Variants in ANO3 observed in about 807,000 individuals in gnomAD.
The protein encoded by ANO3 is anoctamin-3.
Under a neutral mutation model 144.8 loss-of-function variants are expected in ANO3, and 99 were observed. The observed-to-expected ratio is 0.68, with a 90% CI of 0.58 to 0.81. The LOEUF is 0.81. Ranked by LOEUF, ANO3 falls within the 30% of genes least tolerant of loss-of-function variation. ANO3 has a pLI of 0.00. For missense variants in ANO3, 905 were observed against 1,202.2 expected, an observed-to-expected ratio of 0.75 and a Z score of 3.66; for synonymous variants, 414 against 392.6, an observed-to-expected ratio of 1.05 and a Z score of -0.64.
intron 21 of ANO3, among the ~76,000 whole-genome samples, chr11:26,640,957 C>T (rs111403672): frequency 6.6e-6 from 1 of 152,146 alleles, no homozygotes; most frequent in Admixed American, 6.5e-5. Flanking sequence ...CACTGCCTGA[C>T]GTTTGTTCTC....
intron 1 of ANO3, among the ~76,000 whole-genome samples, chr11:26,316,036 A>T (rs1854617858): frequency 6.6e-6 from 1 of 152,206 alleles, no homozygotes; most frequent in Non-Finnish European, 1.5e-5. Flanking sequence ...AATAGGAAAT[A>T]GAATTATCTC....
upstream of ANO3, among the ~76,000 whole-genome samples, chr11:26,308,775 C>T (rs1201350945): frequency 2.6e-5 from 4 of 152,178 alleles, no homozygotes; most frequent in South Asian, 8.3e-4. Context: ...AAAGGAATTA[C>T]TATAATTATG....
intron 4 of ANO3, among the ~76,000 whole-genome samples, chr11:26,497,134 A>C (rs1241039893): frequency 1.3e-5 from 2 of 151,776 alleles, no homozygotes; most frequent in African/African-American, 4.8e-5. Flanking sequence ...GTATATATGT[A>C]TATACAAATA....
At position 26,508,161 on chromosome 11, in the gene ANO3, A is replaced by G; in HGVS notation, c.490A>G (p.Ile164Val). Reference sequence around the variant, plus strand: ...TCTGTTCAAAGATGGCAAAAAGAGAATTGATTACATCTTGGTTTATAGAAA... The same window carrying G: ...TCTGTTCAAAGATGGCAAAAAGAGAGTTGATTACATCTTGGTTTATAGAAA... ...GPLFKDGKKR[I>V]DYILVYRKTN... The change falls in exon 5 of 27, where the codon ATT becomes GTT. Residue 164 changes from isoleucine to valine, a missense_variant. Ile to Val is a conservative substitution (Grantham distance 29, BLOSUM62 3). Transcript: ENST00000256737. 6.3e-7 allele frequency: 1 copy of G among 1,598,702 alleles called. No homozygotes were observed. The highest frequency in any genetic ancestry group is 8.5e-7 in the Non-Finnish European group (1 of 1,175,820).
At chr11:26,539,290 AGTGTAC>A (rs1849587054) in intron 10 of ANO3, among the ~76,000 whole-genome samples, 1 of 152,108 alleles carries the variant, frequency 6.6e-6, no homozygotes, top group Non-Finnish European at 1.5e-5. Flanking sequence ...GGGACCACTG[AGTGTAC>A]GTAATACTTC....
intron 17 of ANO3, among the ~76,000 whole-genome samples, chr11:26,610,753 T>A (rs1852076334): frequency 6.6e-6 from 1 of 152,098 alleles, no homozygotes; most frequent in Admixed American, 6.6e-5. Context: ...ACATAGGTAT[T>A]CAATTTTAGG....
At chr11:26,584,253 T>C (rs1590587688) in intron 14 of ANO3, among the ~76,000 whole-genome samples, 1 of 152,118 alleles carries the variant, frequency 6.6e-6, no homozygotes, top group South Asian at 2.1e-4. Context: ...CCGCCTCCTG[T>C]GTTCAAGCAA....
chr11:26,259,600 C>T (rs1419793637), intron 1 of ANO3, among the ~76,000 whole-genome samples: 2 of 136,766 alleles, frequency 1.5e-5, no homozygotes, highest in Non-Finnish European at 3.1e-5. Context: ...GGCAGAGGGG[C>T]AGAGGTTGCA....
At chr11:26,417,994 A>G (rs1422597818) in intron 1 of ANO3, among the ~76,000 whole-genome samples, 3 of 152,122 alleles carry the variant, frequency 2.0e-5, no homozygotes, top group Non-Finnish European at 4.4e-5. Context: ...AATCAATAGT[A>G]TGTTCTGTTT....
Position 26,495,042 on chromosome 11 carries a change from G to A in ANO3, c.433-13062G>A, listed in dbSNP as rs182268249. Among the ~76,000 whole-genome samples, 3 of 151,602 alleles carry A rather than the reference G, an allele frequency of 2.0e-5. No homozygotes were observed. The East Asian group carries it at 5.8e-4, about 29-fold the overall frequency. On this transcript the variant is annotated intron_variant, in intron 4 of 26. Transcript: ENST00000256737. ...TAAATAATCTTAAATGATACCCATA[G>A]GTTAAAAGAGTTTATCTTTTATAAA...
chr11:26,316,277 G>C (rs763943263), intron 1 of ANO3, among the ~76,000 whole-genome samples: 18 of 152,166 alleles, frequency 1.2e-4, no homozygotes, highest in Non-Finnish European at 2.4e-4. Context: ...CAATGCACTG[G>C]ATATACCAGC....
chr11:26,339,174 G>C (rs547092868), intron 1 of ANO3, among the ~76,000 whole-genome samples: 1 of 144,982 alleles, frequency 6.9e-6, no homozygotes, highest in Admixed American at 6.9e-5. Context: ...TTCTTTTTTT[G>C]ATGGAGTCTG....
At chr11:26,320,921 T>A (rs907520152) in intron 1 of ANO3, among the ~76,000 whole-genome samples, 17 of 152,162 alleles carry the variant, frequency 1.1e-4, no homozygotes, top group Admixed American at 9.2e-4. Flanking sequence ...TGCATCTGTT[T>A]ATATTTTGAG....
intron 1 of ANO3, among the ~76,000 whole-genome samples, chr11:26,441,149 G>T (rs1858504534): frequency 8.9e-6 from 1 of 112,150 alleles, no homozygotes; most frequent in Non-Finnish European, 1.7e-5. Context: ...ACGGAGTCTC[G>T]CTCTGTCGCC....
intron 1 of ANO3, among the ~76,000 whole-genome samples, chr11:26,378,379 T>C (rs1299511132): frequency 6.8e-6 from 1 of 146,312 alleles, no homozygotes; most frequent in Non-Finnish European, 1.5e-5. Context: ...TATCTATATA[T>C]CTATATATAA....
At chr11:26,569,616 A>G (rs959829003) in intron 14 of ANO3, among the ~76,000 whole-genome samples, 1 of 152,112 alleles carries the variant, frequency 6.6e-6, no homozygotes, top group African/African-American at 2.4e-5. Flanking sequence ...AACAAAGCAC[A>G]TTGCAAGTGA....
At chr11:26,487,758 C>A (rs117248818) in intron 4 of ANO3, among the ~76,000 whole-genome samples, 1 of 152,174 alleles carries the variant, frequency 6.6e-6, no homozygotes, top group Non-Finnish European at 1.5e-5. Context: ...CATTTCACCC[C>A]TGCCCTAGAG....
intron 1 of ANO3, among the ~76,000 whole-genome samples, chr11:26,201,659 T>C (rs1415658898): frequency 6.6e-6 from 1 of 152,020 alleles, no homozygotes; most frequent in Non-Finnish European, 1.5e-5. Flanking sequence ...TTGCAATATG[T>C]TCAAGAATAT....
intron 17 of ANO3, among the ~76,000 whole-genome samples, chr11:26,603,847 G>A (rs1399656057): frequency 6.6e-6 from 1 of 152,086 alleles, no homozygotes; most frequent in Non-Finnish European, 1.5e-5. Context: ...AATGGTACAG[G>A]TTTAGGAGTA....
Sources: allele counts gnomAD v4.1 joint callset (sites outside exome capture counted in the v4.1 genomes callset), GRCh38; gene constraint gnomAD v4.1.1; transcripts MANE v1.5; gene names NCBI Gene and HGNC (gene_info 2026-07-23, HGNC 2026-07-21).